The following TMC2 variants were observed in gnomAD, a reference collection of about 807,000 sequenced individuals.
TMC2 encodes the protein transmembrane channel-like protein 2.
A neutral mutation model predicts 105.9 loss-of-function variants in TMC2; 102 were observed. The ratio of observed to expected loss-of-function variants is 0.96; its 90% CI spans 0.82 to 1.14. The LOEUF (loss-of-function observed/expected upper bound fraction) is 1.14, where lower values mean the gene tolerates loss of function less well. Among genes scored for constraint, TMC2 ranks in the 50% most tolerant of loss-of-function variants. The pLI is 0.00. For synonymous variants in TMC2, 402 were observed against 422.8 expected, an observed-to-expected ratio of 0.95 and a Z score of 0.60; for missense variants, 1,093 against 1,134.3, an observed-to-expected ratio of 0.96 and a Z score of 0.52.
At chr20:2,542,205 T>C (rs973218635) in intron 2 of TMC2, among the ~76,000 whole-genome samples, 1 of 152,144 alleles carries the variant, frequency 6.6e-6, no homozygotes, top group Non-Finnish European at 1.5e-5. Context: ...AGAAGATGAC[T>C]CAAGGAGGTG....
chr20:2,550,718 T>C (rs1341998470), intron 2 of TMC2, among the ~76,000 whole-genome samples: 1 of 152,238 alleles, frequency 6.6e-6, no homozygotes, highest in Non-Finnish European at 1.5e-5. Flanking sequence ...TCCAGAATGC[T>C]GTATAGTTAC....
intron 17 of TMC2, among the ~76,000 whole-genome samples, chr20:2,630,002 G>C (rs77557811): frequency 5.3e-5 from 8 of 152,128 alleles, no homozygotes; most frequent in African/African-American, 1.7e-4. Context: ...GAAAAAGTTT[G>C]CTGATCCCTA....
At position 2,597,260 on chromosome 20, in the gene TMC2, G is replaced by A. The variant is rs543610760; in HGVS notation, c.1186G>A (p.Ala396Thr). ...CTACCTGATCGGGAATTCAGAGACAGCTGATAACAAATATGCATCCATCAC... is the reference window on the plus strand; with the variant it reads ...CTACCTGATCGGGAATTCAGAGACAACTGATAACAAATATGCATCCATCAC... ...WDYLIGNSET[A>T]DNKYASITTS... Residue 396 changes from alanine (A) to threonine (T), a missense_variant, in exon 10 of 20, where the codon GCT becomes ACT. By Grantham distance (58) the Ala-to-Thr change is moderately conservative. Coordinates refer to ENST00000358864, the MANE Select transcript of TMC2 (RefSeq NM_080751.3). The A allele has an allele frequency of 9.3e-6, 15 of 1,614,114 alleles. No homozygotes were observed. The African/African-American group carries it at 2.0e-4, about 22-fold the overall frequency.
chr20:2,546,223 C>T (rs1198609964), intron 2 of TMC2, among the ~76,000 whole-genome samples: 1 of 152,168 alleles, frequency 6.6e-6, no homozygotes, highest in Non-Finnish European at 1.5e-5. Context: ...AGGAAACCAA[C>T]TGATTTCTTA....
intron 17 of TMC2, among the ~76,000 whole-genome samples, chr20:2,627,007 T>C (rs1411243207): frequency 1.3e-5 from 2 of 152,170 alleles, no homozygotes; most frequent in African/African-American, 4.8e-5. Flanking sequence ...AGCTGTTTGA[T>C]TGATCACGGG....
intron 17 of TMC2, among the ~76,000 whole-genome samples, chr20:2,632,603 GTTTT>G (rs1403208793): frequency 6.6e-6 from 1 of 151,126 alleles, no homozygotes; most frequent in African/African-American, 2.4e-5. Context: ...TTTTGTTTTT[GTTTT>G]TTTACAGAGT....
At position 2,573,228 on chromosome 20, in the gene TMC2, T is replaced by C. The variant is rs1015447327; in HGVS notation, c.645+959T>C. Among the ~76,000 whole-genome samples, 23 of 152,298 alleles carry C rather than the reference T, an allele frequency of 1.5e-4. No homozygotes were observed. The East Asian group carries it at 4.4e-3, about 29-fold the overall frequency. ...TTTGCCAAGTTCCACCATAGTGTAT[T>C]GAGATTTTGGTTGGAATTTCTTTTA... On this transcript the variant is annotated intron_variant, in intron 5 of 19. Coordinates refer to ENST00000358864, the MANE Select transcript of TMC2 (RefSeq NM_080751.3).
intron 4 of TMC2, among the ~76,000 whole-genome samples, chr20:2,570,765 G>A (rs1298209872): frequency 2.0e-5 from 3 of 152,136 alleles, no homozygotes; most frequent in Non-Finnish European, 4.4e-5. Context: ...TGAGGCTACA[G>A]TAACGAAAAC....
At position 2,636,013 on chromosome 20, in the gene TMC2, G is replaced by C. The variant is rs1199511033; in HGVS notation, c.2385+9G>C. On this transcript the variant is annotated intron_variant, in intron 18 of 19. Coordinates refer to ENST00000358864, the MANE Select transcript of TMC2 (RefSeq NM_080751.3). ...GGAAGAAAATCCAAGTGGTGAGTCT[G>C]TTGGGAGTTTCATCCTGGACGGTAA... 2 of 1,612,654 alleles carry C rather than the reference G, an allele frequency of 1.2e-6. No homozygotes were observed. The highest frequency in any genetic ancestry group is 1.7e-6 in the Non-Finnish European group (2 of 1,178,632).
At position 2,591,005 on chromosome 20, in the gene TMC2, T is replaced by C. The variant is rs576378028; in HGVS notation, c.835-1305T>C. Among the ~76,000 whole-genome samples, 194 of 152,260 alleles carry C rather than the reference T, an allele frequency of 1.3e-3. 1 individual carries two copies. Among genetic ancestry groups the C allele is most frequent in the African/African-American group, 4.5e-3 (186 of 41,578 alleles). ...AAAAATAAGACAATAAATGGAAGGA[T>C]ATATTCTTGGAAGGAAAAATTTAAT... is the stretch of plus-strand genomic sequence containing the variant. On this transcript the variant is annotated intron_variant, in intron 7 of 19. Transcript: ENST00000358864.
chr20:2,608,442 C>T (rs1002238571), intron 11 of TMC2, among the ~76,000 whole-genome samples: 9 of 151,830 alleles, frequency 5.9e-5, no homozygotes, highest in Non-Finnish European at 1.3e-4. Context: ...ATTCTCTTGC[C>T]TCAGTCTCCC....
Position 2,617,181 on chromosome 20 carries a change from C to T in TMC2, c.2050C>T (p.Arg684Cys), listed in dbSNP as rs373197061. 1.2e-5 allele frequency: 20 copies of T among 1,614,200 alleles called. No individual in the cohort carries two copies. The highest frequency in any genetic ancestry group is 4.0e-5 in the African/African-American group (3 of 75,046). Reference protein sequence around the residue: ...AVMSSNVPHERVFKASRSNNF... With the variant: ...AVMSSNVPHECVFKASRSNNF... ...GATGAGCAGCAACGTACCCCATGAACGCGTGTTCAAAGCCTCCCGATCCAA... is the reference window on the plus strand; with the variant it reads ...GATGAGCAGCAACGTACCCCATGAATGCGTGTTCAAAGCCTCCCGATCCAA... Residue 684 changes from arginine (R) to cysteine (C), a missense_variant, in exon 16 of 20, where the codon CGC becomes TGC. By Grantham distance (180) the Arg-to-Cys change is radical (BLOSUM62 -3). Coordinates refer to ENST00000358864, the MANE Select transcript of TMC2 (RefSeq NM_080751.3).
At chr20:2,568,219 T>C (rs1010058915) in intron 4 of TMC2, among the ~76,000 whole-genome samples, 1 of 152,158 alleles carries the variant, frequency 6.6e-6, no homozygotes, top group Non-Finnish European at 1.5e-5. Context: ...TAAAAACTTG[T>C]AGGCAGTCAG....
At position 2,558,545 on chromosome 20, in the gene TMC2, G is replaced by C. The variant is rs1443852512; in HGVS notation, c.172G>C (p.Glu58Gln). ...GCGCGGAGCTCAGCGAAGCCAGAAG[G>C]AGCGCGCCGGGGGCAGCCCAAGCCC... ...GRRGAQRSQKERAGGSPSPGS... is the reference protein window; with the variant it reads ...GRRGAQRSQKQRAGGSPSPGS... The change falls in exon 3 of 20, where the codon GAG becomes CAG. Residue 58 changes from glutamate (E) to glutamine (Q), a missense_variant. Glu to Gln is a conservative substitution (Grantham distance 29). Coordinates refer to ENST00000358864, the MANE Select transcript of TMC2 (RefSeq NM_080751.3). The surrounding 1 kb of genome is among the most constrained non-coding windows in gnomAD (Gnocchi z 4.6). The C allele has an allele frequency of 6.4e-7, 1 of 1,553,498 alleles. No individual in the cohort carries two copies. Among genetic ancestry groups the C allele is most frequent in the South Asian group, 1.2e-5 (1 of 84,192 alleles).
At chr20:2,588,864 A>T (rs2086248848) in intron 7 of TMC2, among the ~76,000 whole-genome samples, 2 of 151,954 alleles carry the variant, frequency 1.3e-5, no homozygotes, top group Non-Finnish European at 2.9e-5. Context: ...TCTGATCTAT[A>T]TGTTCTTAAA....
chr20:2,568,766 A>C (rs149337223), intron 4 of TMC2, among the ~76,000 whole-genome samples: 5 of 152,170 alleles, frequency 3.3e-5, no homozygotes, highest in African/African-American at 9.7e-5. Flanking sequence ...AAGGGGGGGA[A>C]CAGGGAGAAG....
In TMC2 at chr20:2,536,575, G is replaced by A; in HGVS notation, c.-47G>A. On this transcript the variant is annotated 5_prime_UTR_variant, in exon 1 of 20. Coordinates refer to ENST00000358864, the MANE Select transcript of TMC2 (RefSeq NM_080751.3). Reference sequence around the variant, plus strand: ...GCCCAGGCTGAAGGCGTGCATACAGGAGCACGCTGCGTGAGCCTGTGCAGG... The same window carrying A: ...GCCCAGGCTGAAGGCGTGCATACAGAAGCACGCTGCGTGAGCCTGTGCAGG... 6.4e-7 allele frequency: 1 copy of A among 1,552,910 alleles called. No individual in the cohort carries two copies. The highest frequency in any genetic ancestry group is 1.2e-5 in the South Asian group (1 of 84,186).
chr20:2,600,382 G>A (rs977750097), intron 10 of TMC2, among the ~76,000 whole-genome samples: 9 of 152,106 alleles, frequency 5.9e-5, no homozygotes, highest in African/African-American at 1.7e-4. Context: ...AAAACAATTC[G>A]AAAATAAGTT....
intron 17 of TMC2, among the ~76,000 whole-genome samples, chr20:2,630,402 T>C (rs2086595243): frequency 1.3e-5 from 2 of 152,252 alleles, no homozygotes; most frequent in African/African-American, 4.8e-5. Flanking sequence ...TTTTACTTAT[T>C]ACATTTTCTT....
Sources: gnomAD v4.1 joint callset for allele counts (sites outside exome capture counted in the v4.1 genomes callset) on GRCh38, gnomAD v4.1.1 for gene constraint, Gnocchi (gnomAD v3.1) non-coding constraint, MANE v1.5 for transcripts, NCBI Gene and HGNC (gene_info 2026-07-23, HGNC 2026-07-21) for gene names.